Variants in AGMO observed in about 807,000 individuals in gnomAD.
The protein encoded by AGMO is alkylglycerol monooxygenase.
In AGMO, 75 loss-of-function variants were observed where a neutral mutation model predicts 60.2. The ratio of observed to expected loss-of-function variants is 1.25; its 90% CI spans 1.03 to 1.51. AGMO has a LOEUF of 1.51. AGMO is among the 40% of genes most tolerant of loss of function. AGMO has a pLI of 0.00. For missense variants in AGMO, 763 were observed against 525.5 expected, an observed-to-expected ratio of 1.45 and a Z score of -4.42; for synonymous variants, 261 against 177.1, an observed-to-expected ratio of 1.47 and a Z score of -3.76.
chr7:15,255,497 G>A (rs367659157), intron 12 of AGMO, among the ~76,000 whole-genome samples: 3 of 147,418 alleles, frequency 2.0e-5, no homozygotes, highest in African/African-American at 5.1e-5. Context: ...CCCTCTACAA[G>A]GCCAGCATTG....
At chr7:15,539,480 T>A (rs1784565624) in intron 3 of AGMO, among the ~76,000 whole-genome samples, 1 of 152,202 alleles carries the variant, frequency 6.6e-6, no homozygotes, top group African/African-American at 2.4e-5. Context: ...CTCTTTCTTT[T>A]TTATGACTGC....
chr7:15,359,454 A>AT (rs1445822824), intron 12 of AGMO, among the ~76,000 whole-genome samples: 2 of 152,214 alleles, frequency 1.3e-5, no homozygotes, highest in Admixed American at 6.5e-5. Flanking sequence ...ATATATTTAC[A>AT]TTTTTTAAAA....
intron 5 of AGMO, among the ~76,000 whole-genome samples, chr7:15,416,377 A>C (rs1780770571): frequency 6.6e-6 from 1 of 151,890 alleles, no homozygotes; most frequent in Admixed American, 6.6e-5. Context: ...GTAAACAGAA[A>C]ATTTCTATAA....
At chr7:15,117,857 T>C in the AGMO span, among the ~76,000 whole-genome samples, 1 of 151,944 alleles carries the variant, frequency 6.6e-6, no homozygotes, top group Non-Finnish European at 1.5e-5. Context: ...TTATGGTTTA[T>C]TGATGTATTT....
At chr7:15,219,607 T>A (rs1335673150) in intron 12 of AGMO, among the ~76,000 whole-genome samples, 2 of 152,248 alleles carry the variant, frequency 1.3e-5, no homozygotes, top group East Asian at 3.9e-4. Context: ...GATTGAAGCG[T>A]TCTCATCCTG....
chr7:15,203,405 A>G (rs1309919850), intron 12 of AGMO, among the ~76,000 whole-genome samples: 1 of 152,164 alleles, frequency 6.6e-6, no homozygotes, highest in Non-Finnish European at 1.5e-5. Context: ...GTAAATCACA[A>G]AAATCTTCCC....
intron 12 of AGMO, among the ~76,000 whole-genome samples, chr7:15,357,400 C>G (rs1235066026): frequency 5.9e-5 from 9 of 151,760 alleles, no homozygotes; most frequent in Admixed American, 5.9e-4. Context: ...TAACCACCAC[C>G]GTGAGATGAA....
chr7:15,117,880 T>C, the AGMO span, among the ~76,000 whole-genome samples: 1 of 151,970 alleles, frequency 6.6e-6, no homozygotes, highest in Non-Finnish European at 1.5e-5. Context: ...TATTCTCCTA[T>C]CTGCTGCTCT....
At position 15,384,817 on chromosome 7, in the gene AGMO, CTTTTT is replaced by C. The variant is rs71953359; in HGVS notation, c.1074+624_1074+628del. Among the ~76,000 whole-genome samples, 9 of 121,310 alleles carry C rather than the reference CTTTTT, an allele frequency of 7.4e-5. No individual in the cohort carries two copies. The South Asian group carries it at 7.9e-4, about 11-fold the overall frequency. 79.6% of individuals were successfully genotyped at this position (121,310 alleles called of 152,430 possible). On this transcript the variant is annotated intron_variant, in intron 10 of 12. Transcript: ENST00000342526. ...ATCTATAAAAAATACCTGTTTTTCT[CTTTTT>C]TTTTTTTTTTTTGCAATTTACAACA...
At chr7:15,311,960 T>A (rs903458425) in intron 12 of AGMO, among the ~76,000 whole-genome samples, 2 of 152,228 alleles carry the variant, frequency 1.3e-5, no homozygotes, top group East Asian at 1.9e-4. Context: ...GGGTTTAATA[T>A]CAGATTGTAA....
chr7:15,197,222 G>C (rs1379604954), downstream of AGMO, among the ~76,000 whole-genome samples: 1 of 151,726 alleles, frequency 6.6e-6, no homozygotes, highest in African/African-American at 2.4e-5. Context: ...GAACATGGGC[G>C]AGACATTAAA....
chr7:15,293,163 CAAGT>C (rs1273536420), intron 12 of AGMO, among the ~76,000 whole-genome samples: 1 of 152,116 alleles, frequency 6.6e-6, no homozygotes, highest in Non-Finnish European at 1.5e-5. Flanking sequence ...CAACAAAAGA[CAAGT>C]AAGACTTAGT....
At chr7:15,337,754 G>A (rs554430182) in intron 12 of AGMO, among the ~76,000 whole-genome samples, 1 of 152,186 alleles carries the variant, frequency 6.6e-6, no homozygotes, top group Non-Finnish European at 1.5e-5. Flanking sequence ...ACCTGCTTCT[G>A]AGTGCAGCGA....
chr7:15,474,764 T>G (rs1782547992), intron 3 of AGMO, among the ~76,000 whole-genome samples: 1 of 151,932 alleles, frequency 6.6e-6, no homozygotes, highest in Admixed American at 6.6e-5. Context: ...ACAGACAACC[T>G]ACAGAATAGG....
chr7:15,204,591 G>C (rs1020531006), intron 12 of AGMO, among the ~76,000 whole-genome samples: 6 of 152,138 alleles, frequency 3.9e-5, no homozygotes, highest in Non-Finnish European at 7.3e-5. Context: ...TAAATATAAA[G>C]CAGAGGAAGT....
intron 3 of AGMO, among the ~76,000 whole-genome samples, chr7:15,501,221 A>C (rs985403966): frequency 3.9e-5 from 6 of 152,014 alleles, no homozygotes; most frequent in African/African-American, 1.4e-4. Context: ...TCTTGATTTC[A>C]GGACCTGAAT....
chr7:15,342,794 A>AC lies in AGMO; in HGVS notation c.1263+22719_1263+22720insG, dbSNP rs918476382. 5.9e-4 allele frequency among the ~76,000 whole-genome samples: 87 copies of AC among 147,370 alleles called. 2 individuals are homozygous for AC. The highest frequency in any genetic ancestry group is 2.1e-3 in the African/African-American group (80 of 38,024). ...AGTATAGCTGCAAAAAAAAAAAAAA[A>AC]AAAAAAAAAAATTGATCTGAATTCT... On this transcript the variant is annotated intron_variant, in intron 12 of 12. Transcript: ENST00000342526.
intron 3 of AGMO, among the ~76,000 whole-genome samples, chr7:15,455,549 C>T (rs566333957): frequency 2.6e-5 from 4 of 152,096 alleles, no homozygotes; most frequent in East Asian, 1.9e-4. Context: ...GCTTTATTCT[C>T]CTCTATTTAT....
At chr7:15,443,901 A>T (rs1781631467) in intron 3 of AGMO, among the ~76,000 whole-genome samples, 1 of 152,154 alleles carries the variant, frequency 6.6e-6, no homozygotes, top group Non-Finnish European at 1.5e-5. Flanking sequence ...CCATCTGTCA[A>T]AGTATTCTTC....
Sources: allele counts gnomAD v4.1 joint callset (sites outside exome capture counted in the v4.1 genomes callset), GRCh38; gene constraint gnomAD v4.1.1; transcripts MANE v1.5; gene names NCBI Gene and HGNC (gene_info 2026-07-23, HGNC 2026-07-21).